The following ZNF23 variants were observed in gnomAD, a reference collection of about 807,000 sequenced individuals.
The protein encoded by ZNF23 is kruppel-like zinc finger factor X31.
ZNF23 carries 48 observed loss-of-function variants against 56.2 expected under a neutral mutation model. The ratio of observed to expected loss-of-function variants is 0.85; its 90% confidence interval spans 0.68 to 1.09. The LOEUF is 1.09. ZNF23 is among the 50% of genes least tolerant of loss of function. The pLI is 0.00. For missense variants in ZNF23, 805 were observed against 811.4 expected (o/e 0.99, Z 0.10); for synonymous variants, 266 against 283.3 (o/e 0.94, Z 0.61).
Position 71,453,184 on chromosome 16 carries a change from C to G in ZNF23, c.268+59G>C, listed in dbSNP as rs568218157. The G allele has an allele frequency of 5.4e-5, 69 of 1,275,502 alleles. No individual in the cohort carries two copies. In the African/African-American group the frequency reaches 6.1e-4, roughly 11 times the overall value. The allele number at this position is 1,275,502 out of a possible 1,614,324, so 79.0% of individuals were successfully genotyped here. A position where few individuals can be genotyped will look rare whatever the true frequency, so the allele number is the denominator to read the frequency against. ...ACAGTATGTTTATATGTTGCTAAAG[C>G]TGGCTTTATGCCTAAAGTGCTAAAT... On this transcript the variant is annotated intron_variant, in intron 4 of 4. Coordinates refer to ENST00000647773, the MANE Select transcript of ZNF23 (RefSeq NM_001381984.1).
At chr16:71,457,697 C>T (rs1036797876) in intron 1 of ZNF23, among the ~76,000 whole-genome samples, 14 of 152,058 alleles carry the variant, frequency 9.2e-5, no homozygotes, top group African/African-American at 2.4e-4. Context: ...TGCACTCCAG[C>T]CTGGGTGATG....
At chr16:71,459,064 T>C (rs1305862732) in intron 1 of ZNF23, among the ~76,000 whole-genome samples, 4 of 152,222 alleles carry the variant, frequency 2.6e-5, no homozygotes, top group Non-Finnish European at 2.9e-5. Context: ...AATCCTCTTA[T>C]CCCATCCTCA....
Position 71,449,483 on chromosome 16 carries a change from G to A in ZNF23, c.671C>T (p.Ser224Phe). 1.9e-6 allele frequency: 3 copies of A among 1,614,146 alleles called. No individual in the cohort carries two copies. Among genetic ancestry groups the A allele is most frequent in the African/African-American group, 1.3e-5 (1 of 75,050 alleles). Reference sequence around the variant, plus strand: ...GTTCTCTTGATGTTGAATAAGTTGAGAGTCACACCTAAAGGGCTCTACTAA... The same window carrying A: ...GTTCTCTTGATGTTGAATAAGTTGAAAGTCACACCTAAAGGGCTCTACTAA... ...EELVEPFRCD[S>F]QLIQHQENNT... is the part of the protein sequence containing the mutation. Residue 224 changes from serine (S) to phenylalanine (F), a missense_variant, in exon 5 of 5, where the codon TCT becomes TTT. Physicochemically the swap from Ser to Phe is radical, Grantham distance 155. Coordinates refer to ENST00000647773, the MANE Select transcript of ZNF23 (RefSeq NM_001381984.1).
At chr16:71,452,180 G>T (rs1000591883) in intron 4 of ZNF23, 1 of 152,274 alleles carries the variant, frequency 6.6e-6, no homozygotes, top group Admixed American at 6.5e-5. Flanking sequence ...CTTTGATTAA[G>T]ACCTCACAAT....
chr16:71,453,562 G>C (rs1330070080), intron 3 of ZNF23: 2 of 530,252 alleles, frequency 3.8e-6, no homozygotes, highest in South Asian at 5.0e-5. Context: ...AAATGTGGGG[G>C]TTGGGGGTGA....
chr16:71,458,252 T>C (rs1309817038), intron 1 of ZNF23, among the ~76,000 whole-genome samples: 1 of 152,204 alleles, frequency 6.6e-6, no homozygotes, highest in Non-Finnish European at 1.5e-5. Flanking sequence ...TTCAAAAACA[T>C]ATGGACTAGT....
chr16:71,459,515 A>C (rs2043364105), intron 1 of ZNF23, among the ~76,000 whole-genome samples: 1 of 152,198 alleles, frequency 6.6e-6, no homozygotes, highest in Admixed American at 6.5e-5. Context: ...GGAAGCTTAG[A>C]CTACAAAAGG....
chr16:71,461,536 T>C (rs1418243120), intron 1 of ZNF23: 1 of 152,164 alleles, frequency 6.6e-6, no homozygotes, highest in Non-Finnish European at 1.5e-5. Context: ...TTCATGGGGG[T>C]ATGAATTAGC....
chr16:71,461,414 G>A (rs2043450905), intron 1 of ZNF23, among the ~76,000 whole-genome samples: 1 of 152,110 alleles, frequency 6.6e-6, no homozygotes, highest in Admixed American at 6.5e-5. Flanking sequence ...TTAAGTGGTA[G>A]GAAAGAAAAG....
intron 1 of ZNF23, 24 bp from the exon 2 acceptor site, chr16:71,456,852 C>T (rs1597001957): frequency 1.0e-6 from 1 of 964,754 alleles, no homozygotes. Context: ...CAAAGAGAGA[C>T]AAGTGTGAGG....
chr16:71,457,964 A>G (rs2043301625), intron 1 of ZNF23, among the ~76,000 whole-genome samples: 1 of 152,164 alleles, frequency 6.6e-6, no homozygotes, highest in African/African-American at 2.4e-5. Context: ...CGCCTGGAGA[A>G]GGCAGCTGCC....
chr16:71,456,728 T>C (rs1463179335), intron 2 of ZNF23, 36 bp downstream of exon 2: 9 of 985,944 alleles, frequency 9.1e-6, no homozygotes, highest in Non-Finnish European at 1.1e-5. Context: ...AATCTGAAAC[T>C]GCCCAGAGGA....
chr16:71,449,704 A>T lies in ZNF23; in HGVS notation c.450T>A (p.Asp150Glu). ...GGCTTGTCTCATCTTTCACTGTTCC[A>T]TCAATGGTGTTGCTCTTCTCCTTCT... ...NIKKEKSNTI[D>E]GTVKDETSPV... is the part of the protein sequence containing the mutation. Residue 150 changes from aspartate (D) to glutamate (E), a missense_variant, in exon 5 of 5, where the codon GAT becomes GAA. Coordinates refer to ENST00000647773, the MANE Select transcript of ZNF23 (RefSeq NM_001381984.1). 6.2e-7 allele frequency: 1 copy of T among 1,613,926 alleles called. No homozygotes were observed. Among genetic ancestry groups the T allele is most frequent in the Non-Finnish European group, 8.5e-7 (1 of 1,180,026 alleles).
intron 4 of ZNF23, 70 bp downstream of exon 4, chr16:71,453,173 T>G: frequency 8.8e-7 from 1 of 1,130,144 alleles, no homozygotes; most frequent in African/African-American, 1.6e-5. Flanking sequence ...TATGTTTATA[T>G]GTTGCTAAAG....
chr16:71,453,413 C>T (rs556817508), intron 3 of ZNF23, 63 bp from the exon 4 acceptor site: 1 of 1,284,452 alleles, frequency 7.8e-7, no homozygotes, highest in African/African-American at 1.5e-5. Flanking sequence ...AATTCCTAAG[C>T]CTCTTCTCAG....
intron 1 of ZNF23, among the ~76,000 whole-genome samples, chr16:71,459,052 C>G (rs2043342691): frequency 6.6e-6 from 1 of 152,272 alleles, no homozygotes; most frequent in African/African-American, 2.4e-5. Flanking sequence ...AAGCACCACT[C>G]CAATCCTCTT....
At position 71,453,365 on chromosome 16, in the gene ZNF23, G is replaced by A; in HGVS notation, c.161-15C>T. 2 of 1,548,596 alleles carry A rather than the reference G, an allele frequency of 1.3e-6. No individual in the cohort carries two copies. The highest frequency in any genetic ancestry group is 1.8e-6 in the Non-Finnish European group (2 of 1,135,324). ...AAGTGGAAATCCTGGTTTGGGAGAGGTAAATAGGAGAGACAGATGAATAAA... is the reference window on the plus strand; with the variant it reads ...AAGTGGAAATCCTGGTTTGGGAGAGATAAATAGGAGAGACAGATGAATAAA... On this transcript the variant is annotated splice_polypyrimidine_tract_variant and intron_variant, in intron 3 of 4. Transcript: ENST00000647773.
chr16:71,454,062 T>C lies in ZNF23; in HGVS notation c.140A>G (p.Tyr47Cys). The change falls in exon 3 of 5, where the codon TAT (tyrosine) becomes TGT (cysteine). Residue 47 changes from tyrosine to cysteine, a missense_variant. Tyr to Cys is a radical substitution (Grantham distance 194, BLOSUM62 -2). Transcript: ENST00000647773. ...CTTACCCAGGGAGGCCACATTCCCA[T>C]AATTCTCCAGCATCACATCCCTGTA... ...TLYRDVMLEN[Y>C]GNVASLGFPL... 1 of 1,614,110 alleles carries C rather than the reference T, an allele frequency of 6.2e-7. No homozygotes were observed. Among genetic ancestry groups the C allele is most frequent in the African/African-American group, 1.3e-5 (1 of 75,030 alleles).
rs2042904403 is a variant in ZNF23, at chr16:71,447,940, C to T, written c.*153G>A. 1.9e-6 allele frequency: 1 copy of T among 526,146 alleles called. No homozygotes were observed. Among genetic ancestry groups the T allele is most frequent in the Non-Finnish European group, 3.1e-6 (1 of 317,484 alleles). The allele number at this position is 526,146 out of a possible 1,614,324, so 32.6% of individuals were successfully genotyped here. A position where few individuals can be genotyped will look rare whatever the true frequency, so the allele number is the denominator to read the frequency against. On this transcript the variant is annotated 3_prime_UTR_variant, in exon 5 of 5. Coordinates refer to ENST00000647773, the MANE Select transcript of ZNF23 (RefSeq NM_001381984.1). ...GGATGTTTCTCTTTAACTGGTCATC[C>T]TTTCCTGATTTAAACTGAATAGAAT...
Sources: allele counts gnomAD v4.1 joint callset (sites outside exome capture counted in the v4.1 genomes callset), GRCh38; gene constraint gnomAD v4.1.1; transcripts MANE v1.5; gene names NCBI Gene and HGNC (gene_info 2026-07-23, HGNC 2026-07-21).